The following CSMD1 variants were observed in gnomAD, a reference collection of about 807,000 sequenced individuals.
CSMD1 encodes CUB and sushi domain-containing protein 1.
CSMD1 carries 213 observed loss-of-function variants against 417.5 expected under a neutral mutation model. That is an observed-to-expected ratio of 0.51 (90% CI 0.46 to 0.57). The LOEUF (loss-of-function observed/expected upper bound fraction) is 0.57, where lower values mean the gene tolerates loss of function less well. CSMD1 is among the 20% of genes least tolerant of loss of function. CSMD1 has a pLI of 0.00. For missense variants in CSMD1, 6,923 were observed against 4,529.7 expected, an observed-to-expected ratio of 1.53 and a Z score of -15.17; for synonymous variants, 2,862 against 1,736.8, an observed-to-expected ratio of 1.65 and a Z score of -16.11.
chr8:3,574,838 C>A (rs945522986), intron 10 of CSMD1, 107 bp downstream of exon 10: 1 of 1,295,346 alleles, frequency 7.7e-7, no homozygotes, highest in Non-Finnish European at 1.1e-6. Context: ...TAAATTCAAA[C>A]AGTAAAGTGT....
chr8:3,439,309 A>ATATATATATTTTTTTT, intron 12 of CSMD1, among the ~76,000 whole-genome samples: 4 of 62,462 alleles, frequency 6.4e-5, no homozygotes, highest in African/African-American at 1.3e-4. Flanking sequence ...ATATATATAT[A>ATATATATATTTTTTTT]TTTTTTTTTT....
intron 2 of CSMD1, among the ~76,000 whole-genome samples, chr8:4,543,389 T>C (rs1797485687): frequency 6.6e-6 from 1 of 152,160 alleles, no homozygotes. Flanking sequence ...TCTGGAATTA[T>C]ACAGTTTGTA....
chr8:3,309,903 C>T lies in CSMD1; in HGVS notation c.3632-1400G>A, dbSNP rs188639809. Among the ~76,000 whole-genome samples the T allele has an allele frequency of 3.8e-3, 582 of 152,276 alleles. 3 individuals carry two copies. Among genetic ancestry groups the T allele is most frequent in the Middle Eastern group, 0.027 (8 of 294 alleles). On this transcript the variant is annotated intron_variant, in intron 23 of 69. Transcript: ENST00000635120. ...GAGGACATGCTTGATCCTTTGCACT[C>T]AGTGACTAAGAAAATTTCCTTCCAT...
intron 54 of CSMD1, among the ~76,000 whole-genome samples, chr8:2,981,699 G>A (rs1452639658): frequency 6.6e-6 from 1 of 152,186 alleles, no homozygotes; most frequent in Non-Finnish European, 1.5e-5. Flanking sequence ...GCCCAGCAGG[G>A]AGAAGTTCAA....
At chr8:2,960,974 T>TATATATATATATA (rs1803423984) in intron 62 of CSMD1, among the ~76,000 whole-genome samples, 167 bp downstream of exon 62, 1 of 116,358 alleles carries the variant, frequency 8.6e-6, no homozygotes, top group African/African-American at 3.1e-5. Flanking sequence ...ATACATATAT[T>TATATATATATATA]GATTTTGACA....
At chr8:4,667,552 T>C (rs1019909660) in intron 1 of CSMD1, among the ~76,000 whole-genome samples, 3 of 152,182 alleles carry the variant, frequency 2.0e-5, no homozygotes, top group Non-Finnish European at 4.4e-5. Context: ...TAGTGTATTG[T>C]AGTTCAAAAT....
intron 16 of CSMD1, among the ~76,000 whole-genome samples, chr8:3,398,472 A>T (rs1585105175): frequency 1.3e-5 from 2 of 152,302 alleles, no homozygotes; most frequent in East Asian, 3.9e-4. Flanking sequence ...AGTTAACACA[A>T]CTCCTGCTGA....
chr8:3,564,289 G>A (rs1799600115), intron 10 of CSMD1, among the ~76,000 whole-genome samples: 1 of 151,800 alleles, frequency 6.6e-6, no homozygotes, highest in South Asian at 2.1e-4. Flanking sequence ...AAAAAGAAAC[G>A]GAGTAAATCC....
chr8:3,473,081 G>C (rs989984693), intron 11 of CSMD1, among the ~76,000 whole-genome samples: 1 of 152,020 alleles, frequency 6.6e-6, no homozygotes, highest in East Asian at 1.9e-4. Context: ...AAACGTAATT[G>C]TCATGTAAAA....
Position 4,312,398 on chromosome 8 carries a change from C to CGT in CSMD1, c.415+107554_415+107555insAC, listed in dbSNP as rs1381586432. ...ACAAATATATATATATATATACATACATATATATGCGTGTATATATATGCG... is the reference window on the plus strand; with the variant it reads ...ACAAATATATATATATATATACATACGTATATATATGCGTGTATATATATGCG... On this transcript the variant is annotated intron_variant, in intron 3 of 69. Transcript: ENST00000635120. Among the ~76,000 whole-genome samples the CGT allele has an allele frequency of 7.8e-3, 815 of 104,930 alleles. 118 individuals are homozygous for CGT. The highest frequency in any genetic ancestry group is 0.05 in the African/African-American group (698 of 14,004). The allele number at this position is 104,930 out of a possible 152,430, so 68.8% of individuals were successfully genotyped here.
intron 2 of CSMD1, among the ~76,000 whole-genome samples, chr8:4,561,575 A>G (rs1415760272): frequency 6.6e-6 from 1 of 152,114 alleles, no homozygotes; most frequent in African/African-American, 2.4e-5. Flanking sequence ...CCAGCTACTC[A>G]GGAGGCTGAA....
At position 4,415,355 on chromosome 8, in the gene CSMD1, A is replaced by G. The variant is rs528259911; in HGVS notation, c.415+4598T>C. On this transcript the variant is annotated intron_variant, in intron 3 of 69. Transcript: ENST00000635120. ...CTGCAGGGATTCCTCCTTACTCAGG[A>G]AGATCCTTCTGTTGTCTCTCTTCCT... 2.6e-5 allele frequency among the ~76,000 whole-genome samples: 4 copies of G among 152,294 alleles called. No individual in the cohort carries two copies. In the South Asian group the frequency reaches 6.2e-4, roughly 24 times the overall value.
chr8:3,005,201 G>A (rs1013801648), intron 52 of CSMD1, among the ~76,000 whole-genome samples: 3 of 152,250 alleles, frequency 2.0e-5, no homozygotes, highest in Admixed American at 1.3e-4. Context: ...GGTGTTATAC[G>A]TATGGACTGT....
At chr8:3,657,817 A>C (rs564337135) in intron 7 of CSMD1, among the ~76,000 whole-genome samples, 1 of 152,326 alleles carries the variant, frequency 6.6e-6, no homozygotes, top group South Asian at 2.1e-4. Context: ...CACATTCTGC[A>C]CATGTACCCC....
At chr8:3,249,588 A>G (rs1353925388) in intron 26 of CSMD1, among the ~76,000 whole-genome samples, 1 of 151,390 alleles carries the variant, frequency 6.6e-6, no homozygotes, top group Non-Finnish European at 1.5e-5. Context: ...ATAAGTTTAC[A>G]ATCGTATAAA....
intron 17 of CSMD1, 42 bp from the exon 18 acceptor site, chr8:3,387,724 G>A (rs1404819657): frequency 9.9e-6 from 15 of 1,512,526 alleles, no homozygotes; most frequent in East Asian, 2.4e-5. Flanking sequence ...GATCTTTCTG[G>A]TTGATTGAAA....
At chr8:3,792,912 G>A (rs182385210) in intron 5 of CSMD1, among the ~76,000 whole-genome samples, 111 of 152,254 alleles carry the variant, frequency 7.3e-4, no homozygotes, top group Admixed American at 1.7e-3. Flanking sequence ...GAGATTTACC[G>A]TTAGGGTCTT....
chr8:3,644,766 C>G (rs1490126044), intron 7 of CSMD1, among the ~76,000 whole-genome samples: 2 of 151,990 alleles, frequency 1.3e-5, no homozygotes, highest in South Asian at 2.1e-4. Context: ...TGCAGAATCA[C>G]AATCGCTTGT....
chr8:4,093,965 AATAG>A (rs201105711), intron 3 of CSMD1, among the ~76,000 whole-genome samples: 12,126 of 136,832 alleles, frequency 0.089, 475 homozygotes, highest in South Asian at 0.095. Context: ...CTACATCTCA[AATAG>A]ATAGATAGAT....
Sources: allele counts gnomAD v4.1 joint callset (sites outside exome capture counted in the v4.1 genomes callset), GRCh38; gene constraint gnomAD v4.1.1; transcripts MANE v1.5; gene names NCBI Gene and HGNC (gene_info 2026-07-23, HGNC 2026-07-21).